Variants in CMIP observed in about 807,000 individuals in gnomAD.
The protein encoded by CMIP is C-Maf-inducing protein.
In CMIP, 13 loss-of-function variants were observed where a neutral mutation model predicts 97.3. The ratio of observed to expected loss-of-function variants is 0.13; its 90% confidence interval spans 0.09 to 0.21. CMIP has a LOEUF of 0.21. Ranked by LOEUF, CMIP falls within the 10% of genes least tolerant of loss-of-function variation. The pLI is 1.00. For missense variants in CMIP, 847 were observed against 1,024.9 expected (o/e 0.83, Z 2.37); for synonymous variants, 538 against 436.3 (o/e 1.23, Z -2.91).
intron 14 of CMIP, among the ~76,000 whole-genome samples, chr16:81,699,474 C>T (rs1031063715): frequency 1.3e-5 from 2 of 152,186 alleles, no homozygotes; most frequent in African/African-American, 2.4e-5. Flanking sequence ...TTCCACTCAA[C>T]ATAGTGTCCT....
intron 1 of CMIP, among the ~76,000 whole-genome samples, chr16:81,515,823 T>G (rs72827197): frequency 0.2 from 30,350 of 152,016 alleles, 3,670 homozygotes; most frequent in Admixed American, 0.32. Flanking sequence ...ATTCAACCCG[T>G]GGGAGGAGCT....
chr16:81,507,249 G>T (rs1046251840), intron 1 of CMIP, among the ~76,000 whole-genome samples: 4 of 152,174 alleles, frequency 2.6e-5, no homozygotes, highest in African/African-American at 9.7e-5. Flanking sequence ...GCTAGACTCT[G>T]TCTTAAAAAA....
chr16:81,668,649 C>T (rs984894031), intron 7 of CMIP, among the ~76,000 whole-genome samples: 1 of 152,114 alleles, frequency 6.6e-6, no homozygotes, highest in South Asian at 2.1e-4. Flanking sequence ...CTTTCCCTAG[C>T]GTGGCACAGA....
chr16:81,578,790 G>T (rs1417007613), intron 1 of CMIP, among the ~76,000 whole-genome samples: 1 of 152,216 alleles, frequency 6.6e-6, no homozygotes, highest in Non-Finnish European at 1.5e-5. Context: ...TCCTGCACTG[G>T]CGTCGGAAAA....
At chr16:81,495,916 G>C (rs942031984) in intron 1 of CMIP, among the ~76,000 whole-genome samples, 1 of 152,146 alleles carries the variant, frequency 6.6e-6, no homozygotes, top group Non-Finnish European at 1.5e-5. Flanking sequence ...TGCAGTTTGC[G>C]AGATAATCCC....
intron 1 of CMIP, among the ~76,000 whole-genome samples, chr16:81,492,012 C>G (rs1448007008): frequency 6.6e-6 from 1 of 152,214 alleles, no homozygotes; most frequent in Non-Finnish European, 1.5e-5. Context: ...GATACTAAGG[C>G]CGTTTCCTGC....
At position 81,510,773 on chromosome 16, in the gene CMIP, G is replaced by A. The variant is rs182841169; in HGVS notation, c.300+65232G>A. ...CTTGTTCTGTCGCCCAGGCTGGAGT[G>A]CAGTGGTGAGATCTCAGCTCACTGC... On this transcript the variant is annotated intron_variant, in intron 1 of 20. Transcript: ENST00000537098. 4.9e-3 allele frequency among the ~76,000 whole-genome samples: 750 copies of A among 152,204 alleles called. 5 individuals are homozygous for A. The highest frequency in any genetic ancestry group is 0.017 in the African/African-American group (724 of 41,506).
intron 1 of CMIP, among the ~76,000 whole-genome samples, chr16:81,497,210 G>A (rs2089507633): frequency 6.6e-6 from 1 of 152,216 alleles, no homozygotes; most frequent in Non-Finnish European, 1.5e-5. Context: ...CTCTGCTCAG[G>A]CAGACCTAGG....
intron 3 of CMIP, among the ~76,000 whole-genome samples, chr16:81,629,064 A>G (rs375646512): frequency 4.9e-5 from 6 of 122,786 alleles, no homozygotes; most frequent in African/African-American, 1.8e-4. Flanking sequence ...TGAACCCGGG[A>G]GGCGGAGGTT....
chr16:81,695,556 C>T (rs1280548264), intron 13 of CMIP: 1 of 152,222 alleles, frequency 6.6e-6, no homozygotes, highest in Non-Finnish European at 1.5e-5. Flanking sequence ...CTTCGGAGGA[C>T]AGGAGGAGGT....
chr16:81,492,747 G>T (rs1362089555), intron 1 of CMIP, among the ~76,000 whole-genome samples: 2 of 152,106 alleles, frequency 1.3e-5, no homozygotes, highest in Admixed American at 6.5e-5. Flanking sequence ...CACGGAAACG[G>T]CAGGCAGCCG....
chr16:81,561,564 T>A (rs1458820566), intron 1 of CMIP, among the ~76,000 whole-genome samples: 1 of 151,852 alleles, frequency 6.6e-6, no homozygotes, highest in Non-Finnish European at 1.5e-5. Flanking sequence ...TGGCAGGGGC[T>A]GGGGTATGAA....
chr16:81,470,984 G>A (rs1407919507), intron 1 of CMIP, among the ~76,000 whole-genome samples: 1 of 151,350 alleles, frequency 6.6e-6, no homozygotes, highest in East Asian at 1.9e-4. Context: ...AGGCACAAAC[G>A]TGCATACACA....
chr16:81,709,306 C>T lies in CMIP; in HGVS notation c.2269-440C>T, dbSNP rs75855999. ...ACAATTTCCTTTCATAGGGCATATACGGTGCCCTGGGCTTTCTACATTTGG... is the reference window on the plus strand; with the variant it reads ...ACAATTTCCTTTCATAGGGCATATATGGTGCCCTGGGCTTTCTACATTTGG... On this transcript the variant is annotated intron_variant, in intron 20 of 20. Coordinates refer to ENST00000537098, the MANE Select transcript of CMIP (RefSeq NM_198390.3). Among the ~76,000 whole-genome samples, 252 of 152,292 alleles carry T rather than the reference C, an allele frequency of 1.7e-3. 2 individuals are homozygous for T. The highest frequency in any genetic ancestry group is 5.8e-3 in the African/African-American group (242 of 41,544).
At chr16:81,605,990 C>G (rs1485195657) in intron 1 of CMIP, among the ~76,000 whole-genome samples, 1 of 152,192 alleles carries the variant, frequency 6.6e-6, no homozygotes, top group African/African-American at 2.4e-5. Context: ...GCAGCTTCAG[C>G]CATCAACCCT....
Position 81,652,196 on chromosome 16 carries a change from C to A in CMIP, c.478-7C>A. 1.2e-6 allele frequency: 2 copies of A among 1,609,594 alleles called. No homozygotes were observed. The highest frequency in any genetic ancestry group is 1.7e-6 in the Non-Finnish European group (2 of 1,176,436). The stretch of plus-strand genomic sequence containing the variant: ...CATGTTGCTGTCTCTTTATCTCTTT[C>A]AACCAGAAAAAGATTTACAAATATA... On this transcript the variant is annotated splice_polypyrimidine_tract_variant and splice_region_variant and intron_variant, in intron 3 of 20. Coordinates refer to ENST00000537098, the MANE Select transcript of CMIP (RefSeq NM_198390.3). This position sits in a 1 kb window ranked among gnomAD's most constrained non-coding sequence, Gnocchi z 5.2.
At chr16:81,485,539 C>T (rs1045995557) in intron 1 of CMIP, among the ~76,000 whole-genome samples, 7 of 152,210 alleles carry the variant, frequency 4.6e-5, no homozygotes, top group Non-Finnish European at 8.8e-5. Flanking sequence ...AATTCCCATT[C>T]GGAAGACTGG....
intron 1 of CMIP, among the ~76,000 whole-genome samples, chr16:81,477,524 C>T (rs1457983566): frequency 6.6e-6 from 1 of 152,224 alleles, no homozygotes; most frequent in African/African-American, 2.4e-5. Flanking sequence ...CCTCCTTTCC[C>T]ACTGAAGGCA....
chr16:81,664,674 T>G, intron 7 of CMIP: 1 of 560,438 alleles, frequency 1.8e-6, no homozygotes, highest in East Asian at 2.9e-5. Flanking sequence ...AGCGCGACTT[T>G]GCACTCCTTT....
Sources: gnomAD v4.1 joint callset for allele counts (sites outside exome capture counted in the v4.1 genomes callset) on GRCh38, gnomAD v4.1.1 for gene constraint, Gnocchi (gnomAD v3.1) non-coding constraint, MANE v1.5 for transcripts, NCBI Gene and HGNC (gene_info 2026-07-23, HGNC 2026-07-21) for gene names.